The following CPNE2 variants were observed in gnomAD, a reference collection of about 807,000 sequenced individuals.
CPNE2 encodes the protein copine 2.
Under a neutral mutation model 69.7 loss-of-function variants are expected in CPNE2, and 42 were observed. The ratio of observed to expected loss-of-function variants is 0.60; its 90% CI spans 0.47 to 0.78. The LOEUF is 0.78. CPNE2 is among the 30% of genes least tolerant of loss of function. The pLI is 0.00. For missense variants in CPNE2, 587 were observed against 732.0 expected, an observed-to-expected ratio of 0.80 and a Z score of 2.29; for synonymous variants, 294 against 289.8, an observed-to-expected ratio of 1.01 and a Z score of -0.15.
chr16:57,108,002 C>T (rs1394894886), intron 1 of CPNE2, among the ~76,000 whole-genome samples: 1 of 151,822 alleles, frequency 6.6e-6, no homozygotes. Flanking sequence ...TCCCGAGTAG[C>T]TGGGACTACA....
At chr16:57,145,187 C>G (rs1212404902) in intron 14 of CPNE2, among the ~76,000 whole-genome samples, 1 of 152,174 alleles carries the variant, frequency 6.6e-6, no homozygotes, top group East Asian at 1.9e-4. Context: ...ATAAACACAA[C>G]AAGCTGTACA....
chr16:57,128,031 G>A, intron 12 of CPNE2, 128 bp downstream of exon 12: 2 of 883,744 alleles, frequency 2.3e-6, no homozygotes, highest in Non-Finnish European at 1.8e-6. Context: ...GTTCACCCCA[G>A]GCCACGCTCA....
intron 5 of CPNE2, among the ~76,000 whole-genome samples, chr16:57,117,787 G>A (rs1289928203): frequency 6.6e-6 from 1 of 152,122 alleles, no homozygotes; most frequent in Non-Finnish European, 1.5e-5. Context: ...CTGGAAACCT[G>A]CTCATTGGGG....
chr16:57,137,395 C>T lies in CPNE2; in HGVS notation c.1302+113C>T, dbSNP rs568068587. The T allele has an allele frequency of 1.4e-4, 180 of 1,314,278 alleles. 1 individual carries two copies. In the African/African-American group the frequency reaches 2.5e-3, roughly 18 times the overall value. The allele number at this position is 1,314,278 out of a possible 1,614,324, so 81.4% of individuals were successfully genotyped here. The stretch of plus-strand genomic sequence containing the variant: ...TAAATCCTAGTGGACACCTCTGGGC[C>T]TTGCTTTACCTTCACGTATTGTAAA... On this transcript the variant is annotated intron_variant, in intron 14 of 15. Transcript: ENST00000290776.
chr16:57,119,524 A>G (rs1567668756), intron 6 of CPNE2, 37 bp from the exon 7 acceptor site: 1 of 1,560,600 alleles, frequency 6.4e-7, no homozygotes, highest in South Asian at 1.1e-5. Flanking sequence ...ACTGCTGCCC[A>G]GGGCCTGAGC....
At chr16:57,118,250 C>G (rs78754387) in intron 5 of CPNE2, among the ~76,000 whole-genome samples, 3,796 of 151,280 alleles carry the variant, frequency 0.025, 93 homozygotes, top group South Asian at 0.14. Context: ...ACTGCAAGCT[C>G]CGCCTCCTGA....
chr16:57,113,554 C>T lies in CPNE2; in HGVS notation c.360+87C>T, dbSNP rs2069695955. 1.1e-5 allele frequency: 15 copies of T among 1,369,270 alleles called. No individual in the cohort carries two copies. The South Asian group carries it at 2.1e-4, about 19-fold the overall frequency. 84.8% of individuals were successfully genotyped at this position (1,369,270 alleles called of 1,614,324 possible). On this transcript the variant is annotated intron_variant, in intron 3 of 15. Transcript: ENST00000290776. ...CTCTTCTCGTGCTGTCTTTCCCTAG[C>T]CCCATCTTCCTGGGTGGGTCCCAAA...
chr16:57,110,464 A>G (rs1389776940), intron 1 of CPNE2: 2 of 195,704 alleles, frequency 1.0e-5, no homozygotes, highest in African/African-American at 4.6e-5. Context: ...GCTTCCAGGC[A>G]CTTGACCTCC....
chr16:57,095,296 T>C (rs1322485858), intron 1 of CPNE2, among the ~76,000 whole-genome samples: 13 of 152,134 alleles, frequency 8.5e-5, no homozygotes, highest in East Asian at 1.9e-4. Flanking sequence ...AGGGAGGACA[T>C]AGGGGTCCCA....
intron 14 of CPNE2, chr16:57,140,986 C>T (rs2069918478): frequency 6.6e-6 from 1 of 151,556 alleles, no homozygotes. Context: ...GGGTGCCAGG[C>T]CATTGTCCCA....
chr16:57,110,709 C>T lies in CPNE2; in HGVS notation c.-34C>T. ...TGACCCTCACTTCTGTTCCCCTAGA[C>T]TGCCAGGAACTCCTGCCACCGCCAC... On this transcript the variant is annotated splice_region_variant and 5_prime_UTR_variant, in exon 2 of 16. Coordinates refer to ENST00000290776, the MANE Select transcript of CPNE2 (RefSeq NM_152727.6). 6.4e-7 allele frequency: 1 copy of T among 1,562,298 alleles called. No homozygotes were observed. Among genetic ancestry groups the T allele is most frequent in the Non-Finnish European group, 8.7e-7 (1 of 1,151,952 alleles).
At position 57,138,120 on chromosome 16, in the gene CPNE2, C is replaced by T. The variant is rs116608443; in HGVS notation, c.1302+838C>T. Among the ~76,000 whole-genome samples the T allele has an allele frequency of 3.8e-3, 578 of 152,336 alleles. 6 individuals are homozygous for T. Among genetic ancestry groups the T allele is most frequent in the African/African-American group, 0.013 (552 of 41,580 alleles). ...CAGCGCCGTGACGGGGAATCAGGCACCCAGCCCAGATGCTGGTCTGGGTTG... is the reference window on the plus strand; with the variant it reads ...CAGCGCCGTGACGGGGAATCAGGCATCCAGCCCAGATGCTGGTCTGGGTTG... On this transcript the variant is annotated intron_variant, in intron 14 of 15. Transcript: ENST00000290776.
At chr16:57,113,703 G>A (rs962999042) in intron 3 of CPNE2, among the ~76,000 whole-genome samples, 1 of 152,230 alleles carries the variant, frequency 6.6e-6, no homozygotes, top group Admixed American at 6.5e-5. Context: ...CAGGGATTCC[G>A]ATTGTTAGAT....
At chr16:57,101,076 A>G (rs1156351921) in intron 1 of CPNE2, among the ~76,000 whole-genome samples, 1 of 152,184 alleles carries the variant, frequency 6.6e-6, no homozygotes, top group Non-Finnish European at 1.5e-5. Flanking sequence ...CCCTCATTCA[A>G]TTGATCAGAG....
At chr16:57,134,447 T>G (rs1201367348) in intron 12 of CPNE2, among the ~76,000 whole-genome samples, 2 of 152,194 alleles carry the variant, frequency 1.3e-5, no homozygotes, top group African/African-American at 4.8e-5. Context: ...CCTGGAACCC[T>G]GGCCCACAGG....
At chr16:57,142,606 CCT>C (rs2145285127) in intron 14 of CPNE2, 1 of 152,386 alleles carries the variant, frequency 6.6e-6, no homozygotes, top group Non-Finnish European at 1.5e-5. Flanking sequence ...CTATCTCAGG[CCT>C]TCATCTTTCC....
In CPNE2 at chr16:57,146,633, G is replaced by A; in HGVS notation, c.1539+312G>A. ...TAGTGGGGTCTGATGAGAGGCTGGG[G>A]CTATCCATGTGGTGTAAAGTGCAGG... On this transcript the variant is annotated intron_variant, in intron 15 of 15. Transcript: ENST00000290776. The surrounding 1 kb of genome is among the most constrained non-coding windows in gnomAD (Gnocchi z 4.4). 1 of 353,734 alleles carries A rather than the reference G, an allele frequency of 2.8e-6. No homozygotes were observed. The highest frequency in any genetic ancestry group is 3.4e-5 in the South Asian group (1 of 29,820). 21.9% of individuals were successfully genotyped at this position (353,734 alleles called of 1,614,324 possible).
chr16:57,104,925 C>G (rs933380059), intron 1 of CPNE2, among the ~76,000 whole-genome samples: 1 of 152,002 alleles, frequency 6.6e-6, no homozygotes, highest in East Asian at 1.9e-4. Flanking sequence ...AGGAAGCAAG[C>G]GAGGGGGAGG....
At chr16:57,121,429 A>G (rs1186239509) in intron 8 of CPNE2, among the ~76,000 whole-genome samples, 1 of 152,166 alleles carries the variant, frequency 6.6e-6, no homozygotes, top group African/African-American at 2.4e-5. Context: ...GTCAGGAGCT[A>G]TCCATTTAAG....
Sources: allele counts gnomAD v4.1 joint callset (sites outside exome capture counted in the v4.1 genomes callset), GRCh38; gene constraint gnomAD v4.1.1; non-coding constraint Gnocchi (gnomAD v3.1); transcripts MANE v1.5; gene names NCBI Gene and HGNC (gene_info 2026-07-23, HGNC 2026-07-21).